The following CPD variants were observed in gnomAD, a reference collection of about 807,000 sequenced individuals.
CPD encodes carboxypeptidase D, also known as metallocarboxypeptidase D.
A neutral mutation model predicts 138.3 loss-of-function variants in CPD; 69 were observed. That is an observed-to-expected ratio of 0.50 (90% CI 0.41 to 0.61). The LOEUF is 0.61. Ranked by LOEUF, CPD falls within the 20% of genes least tolerant of loss-of-function variation. The probability of loss-of-function intolerance (pLI) is 0.00; values close to 1 mark genes in which losing one functional copy is unlikely to be tolerated. For synonymous variants in CPD, 651 were observed against 642.1 expected (o/e 1.01, Z -0.21); for missense variants, 1,432 against 1,733.3 (o/e 0.83, Z 3.09).
At chr17:30,380,469 T>C in intron 1 of CPD, 1 of 1,291,310 alleles carries the variant, frequency 7.7e-7, no homozygotes, top group Non-Finnish European at 9.8e-7. Context: ...CTGAAGGGTT[T>C]GTGATGTCAT....
chr17:30,394,551 A>C (rs944851175), intron 2 of CPD, among the ~76,000 whole-genome samples: 2 of 152,116 alleles, frequency 1.3e-5, no homozygotes, highest in African/African-American at 4.8e-5. Flanking sequence ...GTGTAGTGCT[A>C]TTCGTTTTGG....
intron 15 of CPD, 71 bp from the exon 16 acceptor site, chr17:30,456,185 C>A: frequency 8.6e-7 from 1 of 1,160,342 alleles, no homozygotes; most frequent in Non-Finnish European, 1.3e-6. Flanking sequence ...GACTTGTATC[C>A]ATGAAGGTTA....
intron 8 of CPD, 27 bp downstream of exon 8, chr17:30,431,908 T>C (rs1187971592): frequency 4.2e-6 from 6 of 1,416,008 alleles, no homozygotes; most frequent in Non-Finnish European, 5.9e-6. Flanking sequence ...ATATAAAATG[T>C]TACAAAATTA....
rs1912575872 is a variant in CPD, at chr17:30,431,899, T to C, written c.2127+18T>C. On this transcript the variant is annotated intron_variant, in intron 8 of 20. Coordinates refer to ENST00000225719, the MANE Select transcript of CPD (RefSeq NM_001304.5). ...ATTCCAAGGTAGGCTTGTCTTTGAA[T>C]ATAAAATGTTACAAAATTAATTCTT... 5 of 1,465,074 alleles carry C rather than the reference T, an allele frequency of 3.4e-6. No individual in the cohort carries two copies. The highest frequency in any genetic ancestry group is 1.7e-4 in the Middle Eastern group (1 of 5,726). 90.8% of individuals were successfully genotyped at this position (1,465,074 alleles called of 1,614,324 possible). A position where few individuals can be genotyped will look rare whatever the true frequency, so the allele number is the denominator to read the frequency against.
Position 30,420,931 on chromosome 17 carries a change from T to C in CPD, c.1085T>C (p.Leu362Pro). Residue 362 changes from leucine (L) to proline (P), a missense_variant, in exon 3 of 21, where the codon CTT (leucine) becomes CCT (proline). Leu to Pro is a moderately conservative substitution (Grantham distance 98, BLOSUM62 -3). Around this residue, in one of 6 missense-constraint regions of CPD, gnomAD observed 160 missense variants for 197.9 expected, o/e 0.81. Transcript: ENST00000225719. ...SCCKYPPASQ[L>P]RQEWENNRES... ...TGCAAGTACCCACCTGCTTCACAGC[T>C]TCGACAGGAATGGGAGAACAATCGT... The C allele has an allele frequency of 6.2e-7, 1 of 1,613,958 alleles. No homozygotes were observed. The highest frequency in any genetic ancestry group is 8.5e-7 in the Non-Finnish European group (1 of 1,179,850).
chr17:30,399,719 G>A (rs564754506), intron 2 of CPD, among the ~76,000 whole-genome samples: 2 of 152,098 alleles, frequency 1.3e-5, no homozygotes, highest in African/African-American at 2.4e-5. Flanking sequence ...ACCTGGTGCG[G>A]TGGCTCATGC....
intron 1 of CPD, among the ~76,000 whole-genome samples, chr17:30,381,014 T>A (rs1911027084): frequency 6.6e-6 from 1 of 152,260 alleles, no homozygotes; most frequent in Admixed American, 6.5e-5. Flanking sequence ...AAGATTTCAG[T>A]CATATATAGA....
Position 30,421,819 on chromosome 17 carries a change from A to G in CPD, c.1293A>G (p.Thr431=), listed in dbSNP as rs760703110. The G allele has an allele frequency of 1.9e-6, 3 of 1,612,478 alleles. No individual in the cohort carries two copies. The highest frequency in any genetic ancestry group is 1.7e-5 in the Admixed American group (1 of 59,992). ...TTGTTCCTGGAACTTACAACCTTAC[A>G]GTAGTTTTAACTGGGTAAGAATTTA... is the stretch of plus-strand genomic sequence containing the variant. ...RLLVPGTYNL[T]VVLTGYMPLT... Residue 431 remains threonine (T), a synonymous_variant, in exon 4 of 21, where the codon ACA becomes ACG. Transcript: ENST00000225719.
rs1407826922 is a variant in CPD, at chr17:30,468,220, T to G, written c.*3406T>G. On this transcript the variant is annotated 3_prime_UTR_variant, in exon 21 of 21. Coordinates refer to ENST00000225719, the MANE Select transcript of CPD (RefSeq NM_001304.5). ...TGATTTGACAGCATACATTATGAAA[T>G]TTGAAAGTAGGTTACCATTTTGAGG... is the stretch of plus-strand genomic sequence containing the variant. 1 of 152,600 alleles carries G rather than the reference T, an allele frequency of 6.6e-6. No individual in the cohort carries two copies. The highest frequency in any genetic ancestry group is 2.4e-5 in the African/African-American group (1 of 41,460). 9.5% of individuals were successfully genotyped at this position (152,600 alleles called of 1,614,324 possible).
At chr17:30,419,681 T>C (rs1180702908) in intron 2 of CPD, among the ~76,000 whole-genome samples, 1 of 152,106 alleles carries the variant, frequency 6.6e-6, no homozygotes, top group African/African-American at 2.4e-5. Context: ...AATGCGAGGG[T>C]TTGAAGTGTC....
At chr17:30,422,064 A>G (rs891915903) in intron 4 of CPD, among the ~76,000 whole-genome samples, 1 of 152,224 alleles carries the variant, frequency 6.6e-6, no homozygotes, top group African/African-American at 2.4e-5. Flanking sequence ...AGGAAGGACA[A>G]TTTTTAAAAC....
intron 12 of CPD, among the ~76,000 whole-genome samples, chr17:30,446,395 A>G (rs2143477438): frequency 6.6e-6 from 1 of 151,670 alleles, no homozygotes; most frequent in South Asian, 2.1e-4. Flanking sequence ...CTCATTGTTC[A>G]GTTCCCACCT....
At chr17:30,455,790 A>T in intron 15 of CPD, 1 of 251,922 alleles carries the variant, frequency 4.0e-6, no homozygotes. Flanking sequence ...GCCTCATGAA[A>T]CTCCTATGTA....
rs539443630 is a variant in CPD at position 30,413,965 on chromosome 17, A to G, written c.995-6876A>G. On this transcript the variant is annotated intron_variant, in intron 2 of 20. Coordinates refer to ENST00000225719, the MANE Select transcript of CPD (RefSeq NM_001304.5). ...GGGGAAGAGCATTCCAGCAAAGGGA[A>G]CAAGTAGAGCAAAGTCAGGAGGTAC... 2.0e-5 allele frequency among the ~76,000 whole-genome samples: 3 copies of G among 152,278 alleles called. No individual in the cohort carries two copies. The South Asian group carries it at 6.2e-4, about 32-fold the overall frequency.
intron 12 of CPD, among the ~76,000 whole-genome samples, chr17:30,449,157 A>G (rs937289559): frequency 7.2e-5 from 11 of 152,016 alleles, no homozygotes; most frequent in African/African-American, 2.7e-4. Flanking sequence ...TAAATAAGGG[A>G]GGTTATCTAT....
Position 30,379,833 on chromosome 17 carries a change from G to A in CPD, c.746+107G>A. On this transcript the variant is annotated intron_variant, in intron 1 of 20. Transcript: ENST00000225719. This position sits in a 1 kb window ranked among gnomAD's most constrained non-coding sequence, Gnocchi z 7.0. The stretch of plus-strand genomic sequence containing the variant: ...AATGCTGGCATAAGGGGTGGCGGTG[G>A]TGAAGGTGAAGGGAGACACCCTGTA... 1 of 764,454 alleles carries A rather than the reference G, an allele frequency of 1.3e-6. No individual in the cohort carries two copies. Among genetic ancestry groups the A allele is most frequent in the Admixed American group, 4.2e-5 (1 of 24,090 alleles). The allele number at this position is 764,454 out of a possible 1,614,324, so 47.4% of individuals were successfully genotyped here. A position where few individuals can be genotyped will look rare whatever the true frequency, so the allele number is the denominator to read the frequency against.
intron 2 of CPD, among the ~76,000 whole-genome samples, chr17:30,400,237 T>C (rs1043414946): frequency 6.6e-6 from 1 of 152,230 alleles, no homozygotes; most frequent in Non-Finnish European, 1.5e-5. Context: ...TTTTCAACGA[T>C]ATCTTTTAGT....
At position 30,427,482 on chromosome 17, in the gene CPD, T is replaced by C; in HGVS notation, c.1941T>C (p.Pro647=). Residue 647 remains proline, a synonymous_variant, in exon 7 of 21, where the codon CCT becomes CCC. Coordinates refer to ENST00000225719, the MANE Select transcript of CPD (RefSeq NM_001304.5). ...FPDQFVQITD[P]TQPETIAVMS... ...ACCAGTTTGTTCAGATCACAGATCC[T>C]ACGCAACCAGAAACTATTGCTGTAA... 1 of 1,614,172 alleles carries C rather than the reference T, an allele frequency of 6.2e-7. No individual in the cohort carries two copies. The highest frequency in any genetic ancestry group is 8.5e-7 in the Non-Finnish European group (1 of 1,180,000).
At position 30,423,511 on chromosome 17, in the gene CPD, C is replaced by G; in HGVS notation, c.1663C>G (p.Pro555Ala). Residue 555 changes from proline to alanine, a missense_variant, in exon 6 of 21, where the codon CCA becomes GCA. By Grantham distance (27) the Pro-to-Ala change is conservative. Coordinates refer to ENST00000225719, the MANE Select transcript of CPD (RefSeq NM_001304.5). ...TGTAATTATTTTGTTTTCAGGTGAA[C>G]CAGAATTTAAGTACATTGGAAATAT... is the stretch of plus-strand genomic sequence containing the variant. Reference protein sequence around the residue: ...DNPGVHEPGEPEFKYIGNMHG... With the variant: ...DNPGVHEPGEAEFKYIGNMHG... 1.9e-6 allele frequency: 3 copies of G among 1,538,654 alleles called. No homozygotes were observed. The South Asian group carries it at 3.8e-5, about 20-fold the overall frequency.
Sources: allele counts gnomAD v4.1 joint callset (sites outside exome capture counted in the v4.1 genomes callset), GRCh38; gene constraint gnomAD v4.1.1; regional missense constraint gnomAD v4.1.1; non-coding constraint Gnocchi (gnomAD v3.1); transcripts MANE v1.5; gene names NCBI Gene and HGNC (gene_info 2026-07-23, HGNC 2026-07-21).